TENT4B: variants seen among roughly 807,000 people sequenced by gnomAD.
The protein encoded by TENT4B is PAP associated domain containing 5.
A neutral mutation model predicts 75.0 loss-of-function variants in TENT4B; 10 were observed. The observed-to-expected ratio is 0.13, with a 90% CI of 0.08 to 0.23. The LOEUF (loss-of-function observed/expected upper bound fraction) is 0.23, where lower values mean the gene tolerates loss of function less well. TENT4B is among the 10% of genes least tolerant of loss of function. The pLI, the probability that TENT4B is intolerant of heterozygous loss-of-function variation, is 1.00. For missense variants in TENT4B, 579 were observed against 893.8 expected, an observed-to-expected ratio of 0.65 and a Z score of 4.49; for synonymous variants, 350 against 357.7, an observed-to-expected ratio of 0.98 and a Z score of 0.24.
intron 1 of TENT4B, among the ~76,000 whole-genome samples, chr16:50,204,488 T>C (rs2030835615): frequency 6.6e-6 from 1 of 152,110 alleles, no homozygotes; most frequent in Admixed American, 6.5e-5. Context: ...ACTTGTTTAG[T>C]TCGAGGTGAC....
intron 1 of TENT4B, among the ~76,000 whole-genome samples, chr16:50,182,503 C>T (rs1429412595): frequency 6.6e-6 from 1 of 152,090 alleles, no homozygotes. Context: ...TGTAAAAGAT[C>T]CCTTGTGAAA....
intron 1 of TENT4B, among the ~76,000 whole-genome samples, chr16:50,210,518 C>G (rs1456189489): frequency 1.3e-5 from 2 of 152,242 alleles, no homozygotes; most frequent in Non-Finnish European, 2.9e-5. Context: ...TTTTGCAACT[C>G]AGTGATTCAT....
Position 50,225,210 on chromosome 16 carries a change from T to C in TENT4B, c.1725T>C (p.Leu575=). ...GTAGAAGTAAAACCTCGGAATCTCT[T>C]AGTAAACACTCTTCAAACTCTTCAT... ...GKCRSKTSES[L]SKHSSNSSSG... is the part of the protein sequence containing the mutation. Residue 575 remains leucine (L), a synonymous_variant, in exon 10 of 12, where the codon CTT becomes CTC. Transcript: ENST00000561678. 6.2e-7 allele frequency: 1 copy of C among 1,614,002 alleles called. No homozygotes were observed. The highest frequency in any genetic ancestry group is 8.5e-7 in the Non-Finnish European group (1 of 1,179,878).
intron 1 of TENT4B, among the ~76,000 whole-genome samples, chr16:50,169,329 T>C (rs1019342558): frequency 2.6e-5 from 4 of 151,758 alleles, no homozygotes; most frequent in African/African-American, 7.2e-5. Flanking sequence ...GATCCCTTTT[T>C]CCCCTGTATT....
Position 50,227,868 on chromosome 16 carries a change from G to GA in TENT4B, c.1833dup (p.Gln612ThrfsTer35). ...CCGATGCAACACCATGCAAAACCCCGAAACAGCTGCTTTGCCGTCCGTCCA... is the reference window on the plus strand; with the variant it reads ...CCGATGCAACACCATGCAAAACCCCGAAAACAGCTGCTTTGCCGTCCGTCCA... On this transcript the variant is annotated frameshift_variant, in exon 11 of 12. Transcript: ENST00000561678. LOFTEE classifies it high-confidence loss of function. 6.2e-7 allele frequency: 1 copy of GA among 1,613,908 alleles called. No individual in the cohort carries two copies. Among genetic ancestry groups the GA allele is most frequent in the Non-Finnish European group, 8.5e-7 (1 of 1,179,882 alleles).
In TENT4B at chr16:50,155,270, T is replaced by TGG. The variant is rs200756619; in HGVS notation, c.638+1013_638+1014dup. On this transcript the variant is annotated intron_variant, in intron 1 of 11. Coordinates refer to ENST00000561678, the MANE Select transcript of TENT4B (RefSeq NM_001365324.3). Reference sequence around the variant, plus strand: ...TGTAAAACAAAGCTTTTGGGTCTCGTGGGTGTGTGTGTGTGTGTGTGTGTG... The same window carrying TGG: ...TGTAAAACAAAGCTTTTGGGTCTCGTGGGGGTGTGTGTGTGTGTGTGTGTGTG... Among the ~76,000 whole-genome samples, 633 of 127,802 alleles carry TGG rather than the reference T, an allele frequency of 5.0e-3. 6 individuals carry two copies. The highest frequency in any genetic ancestry group is 0.02 in the African/African-American group (608 of 30,766). The allele number at this position is 127,802 out of a possible 152,430, so 83.8% of individuals were successfully genotyped here.
At chr16:50,187,545 T>G (rs13331592) in intron 1 of TENT4B, among the ~76,000 whole-genome samples, 2,875 of 152,272 alleles carry the variant, frequency 0.019, 94 homozygotes, top group African/African-American at 0.067. Context: ...ATTGTGCCAC[T>G]GCACTCCAGC....
At chr16:50,164,923 G>C (rs1205579621) in intron 1 of TENT4B, among the ~76,000 whole-genome samples, 2 of 151,746 alleles carry the variant, frequency 1.3e-5, no homozygotes, top group Non-Finnish European at 2.9e-5. Flanking sequence ...TGGTGATGGC[G>C]TGCCCTTGAA....
chr16:50,227,904 A>G lies in TENT4B; in HGVS notation c.1866A>G (p.Arg622=), dbSNP rs1403718913. The change falls in exon 11 of 12, where the codon CGA becomes CGG. Residue 622 remains arginine, a synonymous_variant. Coordinates refer to ENST00000561678, the MANE Select transcript of TENT4B (RefSeq NM_001365324.3). ...QLLCRPSTGN[R]VGSQDVSLES... is the part of the protein sequence containing the mutation. ...TTTGCCGTCCGTCCACTGGGAACCG[A>G]GTAGGGTCGCAAGATGTATCCTTGG... The G allele has an allele frequency of 6.2e-7, 1 of 1,613,920 alleles. No homozygotes were observed. The highest frequency in any genetic ancestry group is 1.7e-5 in the Admixed American group (1 of 59,996).
At chr16:50,212,124 G>A (rs985842741) in intron 2 of TENT4B, among the ~76,000 whole-genome samples, 16 of 152,124 alleles carry the variant, frequency 1.1e-4, no homozygotes, top group East Asian at 5.8e-4. Flanking sequence ...GCAATAGTGC[G>A]ATCACGACTT....
At chr16:50,212,437 T>TAC (rs2031333880) in intron 2 of TENT4B, among the ~76,000 whole-genome samples, 1 of 152,206 alleles carries the variant, frequency 6.6e-6, no homozygotes, top group Non-Finnish European at 1.5e-5. Context: ...TGCAAAGAAG[T>TAC]ACACAAAATA....
chr16:50,180,859 T>G (rs957899891), intron 1 of TENT4B, among the ~76,000 whole-genome samples: 3 of 152,254 alleles, frequency 2.0e-5, no homozygotes, highest in Admixed American at 6.5e-5. Flanking sequence ...TAGAGGAGAT[T>G]AGTAGTCCAA....
intron 1 of TENT4B, among the ~76,000 whole-genome samples, chr16:50,205,739 T>C (rs1179825868): frequency 6.6e-6 from 1 of 151,624 alleles, no homozygotes; most frequent in Non-Finnish European, 1.5e-5. Flanking sequence ...TACAGGCGCC[T>C]GCCACCACAC....
chr16:50,215,968 G>A, intron 3 of TENT4B, 107 bp from the exon 4 acceptor site: 2 of 1,373,208 alleles, frequency 1.5e-6, no homozygotes, highest in Non-Finnish European at 2.0e-6. Context: ...GTTGGCCAGG[G>A]TGGGAAATAG....
intron 1 of TENT4B, among the ~76,000 whole-genome samples, chr16:50,181,152 A>G (rs1308109996): frequency 6.6e-6 from 1 of 152,242 alleles, no homozygotes; most frequent in Non-Finnish European, 1.5e-5. Context: ...GGTCTTGTAC[A>G]AAAGTGTTGG....
chr16:50,230,277 T>C lies in TENT4B; in HGVS notation c.*949T>C, dbSNP rs2150754668. ...TTGCTTCCTTTGCAGTCTTTTTTTT[T>C]TCCCCCCATTTCTTCCTAATAGGAA... On this transcript the variant is annotated 3_prime_UTR_variant, in exon 12 of 12. Transcript: ENST00000561678. The C allele has an allele frequency of 1.0e-6, 1 of 978,582 alleles. No individual in the cohort carries two copies. The highest frequency in any genetic ancestry group is 1.2e-6 in the Non-Finnish European group (1 of 828,612). The allele number at this position is 978,582 out of a possible 1,614,324, so 60.6% of individuals were successfully genotyped here. A position where few individuals can be genotyped will look rare whatever the true frequency, so the allele number is the denominator to read the frequency against.
At chr16:50,191,245 A>G (rs952485713) in intron 1 of TENT4B, among the ~76,000 whole-genome samples, 1 of 151,900 alleles carries the variant, frequency 6.6e-6, no homozygotes, top group Non-Finnish European at 1.5e-5. Flanking sequence ...GCTGGATCAT[A>G]TGGTAATTCC....
intron 1 of TENT4B, among the ~76,000 whole-genome samples, chr16:50,179,806 A>C (rs2038377867): frequency 6.6e-6 from 1 of 152,286 alleles, no homozygotes; most frequent in Non-Finnish European, 1.5e-5. Context: ...CCTAGTCTGT[A>C]ATGTGTCCTA....
At chr16:50,156,252 A>G (rs183989397) in intron 1 of TENT4B, among the ~76,000 whole-genome samples, 1 of 152,136 alleles carries the variant, frequency 6.6e-6, no homozygotes, top group Admixed American at 6.5e-5. Context: ...CAATTCTGAG[A>G]CCTCCTAGTT....
Sources: gnomAD v4.1 joint callset for allele counts (sites outside exome capture counted in the v4.1 genomes callset) on GRCh38, gnomAD v4.1.1 for gene constraint, MANE v1.5 for transcripts, NCBI Gene and HGNC (gene_info 2026-07-23, HGNC 2026-07-21) for gene names.